The following CD99L2 variants were observed in gnomAD, a reference collection of about 807,000 sequenced individuals.
CD99L2 encodes CD99 antigen-like protein 2.
Under a neutral mutation model 27.3 loss-of-function variants are expected in CD99L2, and 24 were observed. The observed-to-expected ratio is 0.88, with a 90% CI of 0.64 to 1.24. The LOEUF (loss-of-function observed/expected upper bound fraction) is 1.24. CD99L2 is among the 50% of genes most tolerant of loss of function. CD99L2 has a pLI of 0.00. For missense variants in CD99L2, 255 were observed against 221.6 expected, an observed-to-expected ratio of 1.15 and a Z score of -0.96; for synonymous variants, 97 against 87.9, an observed-to-expected ratio of 1.10 and a Z score of -0.58.
At chrX:150,804,192 T>C (rs1225109175) in intron 4 of CD99L2, among the ~76,000 whole-genome samples, 3 of 111,923 alleles carry the variant, frequency 2.7e-5, no homozygotes, top group Admixed American at 9.5e-5. Flanking sequence ...TTTAACAAGA[T>C]TGAAATCATA....
chrX:150,861,917 AAGAGAGAG>A (rs34407146), intron 1 of CD99L2, among the ~76,000 whole-genome samples: 4 of 103,261 alleles, frequency 3.9e-5, no homozygotes, highest in Non-Finnish European at 5.9e-5. Context: ...AAAAAAAAAA[AAGAGAGAG>A]AGAGAGAGAG....
chrX:150,772,285 G>A (rs1557419121), intron 9 of CD99L2, among the ~76,000 whole-genome samples: 1 of 112,611 alleles, frequency 8.9e-6, no homozygotes, highest in Non-Finnish European at 1.9e-5. Context: ...GCTGGGAGTC[G>A]CACACTCAGA....
At chrX:150,843,652 A>AAAT (rs1159405675) in intron 1 of CD99L2, among the ~76,000 whole-genome samples, 16 of 109,096 alleles carry the variant, frequency 1.5e-4, no homozygotes, top group East Asian at 2.8e-4. Flanking sequence ...CTCTGTCTCA[A>AAAT]AATAATAATA....
At chrX:150,778,559 T>C (rs1411122847) in intron 7 of CD99L2, among the ~76,000 whole-genome samples, 1 of 107,957 alleles carries the variant, frequency 9.3e-6, no homozygotes, top group Non-Finnish European at 1.9e-5. Context: ...TCTGTGAAAC[T>C]GAAACTGCTC....
At chrX:150,820,032 T>C (rs1034392547) in intron 2 of CD99L2, among the ~76,000 whole-genome samples, 1 of 111,708 alleles carries the variant, frequency 9.0e-6, no homozygotes, top group Admixed American at 9.5e-5. Context: ...AGTATGTTAA[T>C]ACCGAAGTCA....
At chrX:150,845,848 G>A (rs1427869745) in intron 1 of CD99L2, among the ~76,000 whole-genome samples, 1 of 112,564 alleles carries the variant, frequency 8.9e-6, no homozygotes, top group East Asian at 2.8e-4. Context: ...TATGACAAGT[G>A]GCACATTGCT....
chrX:150,775,486 C>T (rs1557419224), intron 9 of CD99L2, among the ~76,000 whole-genome samples: 2 of 112,544 alleles, frequency 1.8e-5, no homozygotes, highest in African/African-American at 6.5e-5. Flanking sequence ...TGTAACTATT[C>T]CATTAATCTA....
intron 1 of CD99L2, among the ~76,000 whole-genome samples, chrX:150,876,397 T>G (rs919801252): frequency 8.9e-6 from 1 of 111,959 alleles, no homozygotes; most frequent in Non-Finnish European, 1.9e-5. Flanking sequence ...CTCACTAACT[T>G]AATCAAGGAA....
chrX:150,861,074 G>A (rs7057465), intron 1 of CD99L2, among the ~76,000 whole-genome samples: 30 of 102,672 alleles, frequency 2.9e-4, no homozygotes, highest in African/African-American at 9.8e-4. Flanking sequence ...CCCAGGAGGC[G>A]GAGATTGCAG....
In CD99L2 at chrX:150,766,485, CCT is replaced by C. The variant is rs1193232278; in HGVS notation, c.*2547_*2548del. ...AGGGCCCTGGCACTGAACCCCAGCC[CCT>C]GTCCCAGAGCCTCCCCTCTGGGTCC... On this transcript the variant is annotated 3_prime_UTR_variant, in exon 11 of 11. Coordinates refer to ENST00000370377, the MANE Select transcript of CD99L2 (RefSeq NM_031462.4). The C allele has an allele frequency of 5.4e-5, 6 of 111,468 alleles. No homozygotes were observed. In the Admixed American group the frequency reaches 5.7e-4, roughly 11 times the overall value. The allele number at this position is 111,468 out of a possible 1,213,427, so 9.2% of individuals were successfully genotyped here.
intron 1 of CD99L2, among the ~76,000 whole-genome samples, chrX:150,834,302 G>C (rs1401837250): frequency 9.0e-6 from 1 of 111,525 alleles, no homozygotes; most frequent in African/African-American, 3.3e-5. Flanking sequence ...GACCATCCTG[G>C]CCAACATGGT....
At chrX:150,797,633 AAGAACAT>A (rs1484244615) in intron 4 of CD99L2, among the ~76,000 whole-genome samples, 1 of 112,648 alleles carries the variant, frequency 8.9e-6, no homozygotes, top group East Asian at 2.8e-4. Flanking sequence ...AATCTAGAAA[AAGAACAT>A]AGAAGAGTCA....
At chrX:150,867,149 C>T (rs1272587618) in intron 1 of CD99L2, among the ~76,000 whole-genome samples, 1 of 111,525 alleles carries the variant, frequency 9.0e-6, no homozygotes, top group Non-Finnish European at 1.9e-5. Flanking sequence ...GTGGCTCACA[C>T]CTGTAATTCC....
rs782487522 is a variant in CD99L2, at chrX:150,823,961, G to A, written c.130+7270C>T. Among the ~76,000 whole-genome samples the A allele has an allele frequency of 1.5e-4, 16 of 107,983 alleles. No homozygotes were observed. The East Asian group carries it at 3.2e-3, about 22-fold the overall frequency. 93.8% of individuals were successfully genotyped at this position (107,983 alleles called of 115,157 possible). ...TCAAGTCTAGCCTAGGCAACATAGCGAGACCCTGTCTCATTTGTAGAAAAA... is the reference window on the plus strand; with the variant it reads ...TCAAGTCTAGCCTAGGCAACATAGCAAGACCCTGTCTCATTTGTAGAAAAA... On this transcript the variant is annotated intron_variant, in intron 2 of 10. Coordinates refer to ENST00000370377, the MANE Select transcript of CD99L2 (RefSeq NM_031462.4).
At chrX:150,859,609 T>G (rs1204119156) in intron 1 of CD99L2, among the ~76,000 whole-genome samples, 1 of 108,760 alleles carries the variant, frequency 9.2e-6, no homozygotes, top group Non-Finnish European at 1.9e-5. Context: ...GCTATTCTCC[T>G]GCCTCAGCCT....
intron 1 of CD99L2, among the ~76,000 whole-genome samples, chrX:150,837,490 C>T (rs2046550969): frequency 9.0e-6 from 1 of 111,446 alleles, no homozygotes; most frequent in Admixed American, 9.5e-5. Context: ...CCTCTAGTGC[C>T]GCCCACCTTG....
chrX:150,773,300 G>A (rs1332835161), intron 9 of CD99L2, among the ~76,000 whole-genome samples: 1 of 113,148 alleles, frequency 8.8e-6, no homozygotes, highest in African/African-American at 3.2e-5. Context: ...TTGCCAGGCC[G>A]AGTTACAGGG....
At chrX:150,780,961 C>T (rs1202910436) in intron 7 of CD99L2, among the ~76,000 whole-genome samples, 1 of 112,108 alleles carries the variant, frequency 8.9e-6, no homozygotes, top group Non-Finnish European at 1.9e-5. Flanking sequence ...CAGTACCACT[C>T]AAAGTGTCGC....
chrX:150,817,243 A>T (rs184847487), intron 2 of CD99L2, among the ~76,000 whole-genome samples: 6,036 of 109,223 alleles, frequency 0.055, 190 homozygotes, highest in African/African-American at 0.11. Flanking sequence ...ATAAATAAAA[A>T]TAAAAGTGGT....
Sources: allele counts gnomAD v4.1 joint callset (sites outside exome capture counted in the v4.1 genomes callset), GRCh38; gene constraint gnomAD v4.1.1; transcripts MANE v1.5; gene names NCBI Gene and HGNC (gene_info 2026-07-23, HGNC 2026-07-21).